KLHL5: variants seen among roughly 807,000 people sequenced by gnomAD.
The protein encoded by KLHL5 is kelch like family member 5.
In KLHL5, 48 loss-of-function variants were observed where a neutral mutation model predicts 77.7. The ratio of observed to expected loss-of-function variants is 0.62; its 90% CI spans 0.49 to 0.79. KLHL5 has a LOEUF of 0.79. KLHL5 is among the 30% of genes least tolerant of loss of function. The pLI is 0.00. For synonymous variants in KLHL5, 260 were observed against 297.0 expected, an observed-to-expected ratio of 0.88 and a Z score of 1.28; for missense variants, 723 against 859.7, an observed-to-expected ratio of 0.84 and a Z score of 1.99.
chr4:39,085,951 T>C (rs1720000948), intron 4 of KLHL5, among the ~76,000 whole-genome samples: 1 of 152,182 alleles, frequency 6.6e-6, no homozygotes, highest in Non-Finnish European at 1.5e-5. Flanking sequence ...GAAGACCGAT[T>C]TGACTGTCGT....
At chr4:39,049,973 G>A (rs1716511755) in intron 1 of KLHL5, among the ~76,000 whole-genome samples, 1 of 152,044 alleles carries the variant, frequency 6.6e-6, no homozygotes, top group South Asian at 2.1e-4. Context: ...TACTCCAGAG[G>A]CTGAGGCAGG....
At chr4:39,057,006 A>G (rs1283631281) in intron 1 of KLHL5, among the ~76,000 whole-genome samples, 1 of 152,148 alleles carries the variant, frequency 6.6e-6, no homozygotes, top group Non-Finnish European at 1.5e-5. Context: ...TTCCCTTGTA[A>G]ATCCATTTTT....
At position 39,086,593 on chromosome 4, in the gene KLHL5, G is replaced by A. The variant is rs573552766; in HGVS notation, c.979G>A (p.Asp327Asn). The A allele has an allele frequency of 6.2e-6, 10 of 1,613,968 alleles. No individual in the cohort carries two copies. In the South Asian group the frequency reaches 1.1e-4, roughly 18 times the overall value. The change falls in exon 5 of 11, where the codon GAT (aspartate) becomes AAT (asparagine). Residue 327 changes from aspartate (D) to asparagine (N), a missense_variant. Transcript: ENST00000504108. ...CGAAATTGCAAAGCTCTTGGCTAGT[G>A]ATGACATGAACATTCCTAATGAGGA... ...ASEIAKLLAS[D>N]DMNIPNEETI...
chr4:39,085,890 A>G (rs541441831), intron 4 of KLHL5, among the ~76,000 whole-genome samples: 1 of 152,292 alleles, frequency 6.6e-6, no homozygotes, highest in African/African-American at 2.4e-5. Context: ...AAAAATTCGA[A>G]AACAGACCCA....
the KLHL5 span, among the ~76,000 whole-genome samples, chr4:39,133,186 A>C: frequency 0.024 from 3,694 of 152,256 alleles, 142 homozygotes; most frequent in African/African-American, 0.083. Context: ...ATTAAATCAA[A>C]GTGTTAAAAA....
At chr4:39,131,643 C>A (rs1309487992), downstream of KLHL5, among the ~76,000 whole-genome samples, 1 of 152,132 alleles carries the variant, frequency 6.6e-6, no homozygotes, top group Non-Finnish European at 1.5e-5. Context: ...GTAATCCTAG[C>A]ACTTTGGGAG....
chr4:39,106,915 A>G (rs1281550623), intron 7 of KLHL5, among the ~76,000 whole-genome samples: 11 of 152,148 alleles, frequency 7.2e-5, no homozygotes, highest in Non-Finnish European at 1.6e-4. Context: ...TTAAAAAAAA[A>G]AAAAATTTGT....
intron 10 of KLHL5, among the ~76,000 whole-genome samples, chr4:39,117,654 A>G (rs1445882311): frequency 6.6e-6 from 1 of 152,192 alleles, no homozygotes; most frequent in Admixed American, 6.5e-5. Flanking sequence ...AGACAATGGA[A>G]TAGAGCATCT....
In KLHL5 at chr4:39,083,270, T is replaced by C. The variant is rs574090655; in HGVS notation, c.900+1111T>C. ...TTGGTGTGAGGATTAGATGAGTTAA[T>C]GGAATTTTAACACTCAGAACATTGA... On this transcript the variant is annotated intron_variant, in intron 4 of 10. Transcript: ENST00000504108. Among the ~76,000 whole-genome samples the C allele has an allele frequency of 2.6e-5, 4 of 152,326 alleles. No individual in the cohort carries two copies. The South Asian group carries it at 6.2e-4, about 24-fold the overall frequency.
intron 10 of KLHL5, chr4:39,115,725 A>C: frequency 8.7e-7 from 1 of 1,152,500 alleles, no homozygotes; most frequent in Non-Finnish European, 1.1e-6. Flanking sequence ...TAAATACTCA[A>C]CCCATTGATA....
chr4:39,111,729 T>C (rs920142779), intron 8 of KLHL5, among the ~76,000 whole-genome samples: 3 of 152,178 alleles, frequency 2.0e-5, no homozygotes, highest in Non-Finnish European at 4.4e-5. Context: ...TTTTAATAGA[T>C]AAGTTTCAAA....
downstream of KLHL5, among the ~76,000 whole-genome samples, chr4:39,129,174 AAAC>A (rs1296311328): frequency 1.4e-5 from 2 of 141,814 alleles, no homozygotes; most frequent in East Asian, 4.1e-4. The surrounding 1 kb of genome is among the most constrained non-coding windows in gnomAD (Gnocchi z 4.2). Context: ...TAAAAAAAAA[AAAC>A]AATTACAACT....
Position 39,062,964 on chromosome 4 carries a change from T to A in KLHL5, c.312T>A (p.His104Gln). Reference protein sequence around the residue: ...EFTAEDCGGAHWLDRPEVDDG... With the variant: ...EFTAEDCGGAQWLDRPEVDDG... ...CAGCAGAAGATTGTGGCGGTGCACA[T>A]TGGCTGGATAGACCAGAAGTGGATG... is the stretch of plus-strand genomic sequence containing the variant. Residue 104 changes from histidine to glutamine, a missense_variant, in exon 1 of 11, where the codon CAT becomes CAA. His to Gln is a conservative substitution (Grantham distance 24). Around this residue, in one of 3 missense-constraint regions of KLHL5, gnomAD observed 221 missense variants for 222.1 expected, o/e 1.00. Coordinates refer to ENST00000504108, the MANE Select transcript of KLHL5 (RefSeq NM_015990.5). 6.2e-7 allele frequency: 1 copy of A among 1,614,172 alleles called. No homozygotes were observed. The highest frequency in any genetic ancestry group is 2.2e-5 in the East Asian group (1 of 44,888).
At position 39,121,216 on chromosome 4, in the gene KLHL5, G is replaced by T; in HGVS notation, c.*150G>T. On this transcript the variant is annotated 3_prime_UTR_variant, in exon 11 of 11. Coordinates refer to ENST00000504108, the MANE Select transcript of KLHL5 (RefSeq NM_015990.5). ...GTCAAAATGAAGATAGTAAAACAAGGGAGGAAGCAGTGGATGGACCAGGAT... is the reference window on the plus strand; with the variant it reads ...GTCAAAATGAAGATAGTAAAACAAGTGAGGAAGCAGTGGATGGACCAGGAT... The T allele has an allele frequency of 1.5e-6, 1 of 654,256 alleles. No homozygotes were observed. The highest frequency in any genetic ancestry group is 2.7e-5 in the East Asian group (1 of 36,624). The allele number at this position is 654,256 out of a possible 1,614,324, so 40.5% of individuals were successfully genotyped here. A position where few individuals can be genotyped will look rare whatever the true frequency, so the allele number is the denominator to read the frequency against.
chr4:39,082,219 A>G (rs1719682946), intron 4 of KLHL5, 60 bp downstream of exon 4: 2 of 1,320,848 alleles, frequency 1.5e-6, no homozygotes, highest in Non-Finnish European at 2.1e-6. Context: ...TTATTGTTGC[A>G]GGCTTATCTG....
downstream of KLHL5, among the ~76,000 whole-genome samples, chr4:39,128,243 A>T (rs574528705): frequency 6.6e-6 from 1 of 152,332 alleles, no homozygotes; most frequent in South Asian, 2.1e-4. Flanking sequence ...GAATATAAAT[A>T]TGAAGTAGAT....
At chr4:39,073,824 T>TTA (rs1433976701) in intron 1 of KLHL5, among the ~76,000 whole-genome samples, 2 of 109,238 alleles carry the variant, frequency 1.8e-5, no homozygotes, top group African/African-American at 3.0e-5. Flanking sequence ...TTTTTTTTAT[T>TTA]TTTATTTTTT....
At chr4:39,067,265 T>C (rs1032190827) in intron 1 of KLHL5, among the ~76,000 whole-genome samples, 4 of 152,186 alleles carry the variant, frequency 2.6e-5, no homozygotes, top group Non-Finnish European at 5.9e-5. Flanking sequence ...TAATCAGGTG[T>C]TTTGTAGAAT....
chr4:39,054,567 T>G (rs1716885154), intron 1 of KLHL5, among the ~76,000 whole-genome samples: 2 of 152,224 alleles, frequency 1.3e-5, no homozygotes, highest in African/African-American at 4.8e-5. Flanking sequence ...TACTTAATCC[T>G]ATTACTGAAG....
Sources: allele counts gnomAD v4.1 joint callset (sites outside exome capture counted in the v4.1 genomes callset), GRCh38; gene constraint gnomAD v4.1.1; regional missense constraint gnomAD v4.1.1; non-coding constraint Gnocchi (gnomAD v3.1); transcripts MANE v1.5; gene names NCBI Gene and HGNC (gene_info 2026-07-23, HGNC 2026-07-21).